P2RY12: variants seen among roughly 807,000 people sequenced by gnomAD.
P2RY12 encodes the protein P2Y purinoceptor 12.
Under a neutral mutation model 4.5 loss-of-function variants are expected in P2RY12, and 3 were observed. That is an observed-to-expected ratio of 0.67 (90% CI 0.31 to 1.74). P2RY12 has a LOEUF of 1.74. Ranked by LOEUF, P2RY12 falls within the 40% of genes most tolerant of loss-of-function variation. The pLI, the probability that P2RY12 is intolerant of heterozygous loss-of-function variation, is 0.09. For synonymous variants in P2RY12, 148 were observed against 154.1 expected, an observed-to-expected ratio of 0.96 and a Z score of 0.29; for missense variants, 356 against 407.8, an observed-to-expected ratio of 0.87 and a Z score of 1.09.
intron 1 of P2RY12, among the ~76,000 whole-genome samples, chr3:151,348,573 C>CT (rs542135245): frequency 0.05 from 6,641 of 132,354 alleles, 285 homozygotes; most frequent in African/African-American, 0.12. Context: ...CTCCTAGCTT[C>CT]TTTTTTTTTT....
intron 1 of P2RY12, among the ~76,000 whole-genome samples, chr3:151,364,015 G>A (rs1270240767): frequency 1.3e-5 from 2 of 151,994 alleles, no homozygotes; most frequent in Non-Finnish European, 2.9e-5. Flanking sequence ...TAAAAAAAAA[G>A]CCATAGGTCA....
chr3:151,376,245 T>G, intron 1 of P2RY12: 1 of 1,350,426 alleles, frequency 7.4e-7, no homozygotes, highest in Non-Finnish European at 9.6e-7. Context: ...GTTTCTGTCA[T>G]TTGATAAATT....
chr3:151,339,448 G>T (rs528490692), intron 2 of P2RY12, among the ~76,000 whole-genome samples: 2 of 146,278 alleles, frequency 1.4e-5, no homozygotes, highest in South Asian at 2.2e-4. Context: ...AAAAAAAGCT[G>T]ACCTTTTTTC....
chr3:151,361,671 A>T (rs1426851303), intron 1 of P2RY12, among the ~76,000 whole-genome samples: 4 of 152,150 alleles, frequency 2.6e-5, no homozygotes, highest in Non-Finnish European at 1.5e-5. Flanking sequence ...TTTTGGCTGT[A>T]GCTATAACCT....
intron 1 of P2RY12, among the ~76,000 whole-genome samples, chr3:151,348,836 C>A (rs190394054): frequency 1.0e-3 from 157 of 152,254 alleles, no homozygotes; most frequent in Non-Finnish European, 1.4e-3. Flanking sequence ...CTACTTTGTG[C>A]AGAGTACACA....
chr3:151,352,134 A>G (rs774065740), intron 1 of P2RY12, among the ~76,000 whole-genome samples: 21 of 152,190 alleles, frequency 1.4e-4, no homozygotes, highest in Non-Finnish European at 3.1e-4. Flanking sequence ...TTATATACAT[A>G]CCCTGAAGGT....
intron 1 of P2RY12, among the ~76,000 whole-genome samples, chr3:151,364,053 A>C (rs139140244): frequency 3.9e-5 from 6 of 152,192 alleles, no homozygotes; most frequent in Non-Finnish European, 8.8e-5. Flanking sequence ...TTTTGCTGCC[A>C]AAAACTTAAT....
chr3:151,381,436 G>A (rs149084472), intron 1 of P2RY12, among the ~76,000 whole-genome samples: 363 of 152,244 alleles, frequency 2.4e-3, no homozygotes, highest in African/African-American at 8.5e-3. Context: ...CTCCTACCTT[G>A]TCTCCTACCA....
chr3:151,382,956 A>G (rs1712657355), intron 1 of P2RY12, among the ~76,000 whole-genome samples: 1 of 152,132 alleles, frequency 6.6e-6, no homozygotes, highest in Non-Finnish European at 1.5e-5. Flanking sequence ...AGTGCTAGGT[A>G]TTTTAAGCAT....
At chr3:151,358,619 CATTT>C (rs1320123377) in intron 1 of P2RY12, among the ~76,000 whole-genome samples, 2 of 152,112 alleles carry the variant, frequency 1.3e-5, no homozygotes, top group East Asian at 3.9e-4. Context: ...ATTTCAGTAT[CATTT>C]AGTTTGGCCT....
At chr3:151,342,236 C>T (rs564067797) in intron 1 of P2RY12, among the ~76,000 whole-genome samples, 12 of 152,304 alleles carry the variant, frequency 7.9e-5, no homozygotes, top group Admixed American at 6.5e-4. Flanking sequence ...CTCTCCAACA[C>T]CTGTGCTGCT....
intron 1 of P2RY12, among the ~76,000 whole-genome samples, chr3:151,372,941 T>C (rs1187906292): frequency 6.6e-6 from 1 of 152,222 alleles, no homozygotes; most frequent in Non-Finnish European, 1.5e-5. Flanking sequence ...AAAACTCATG[T>C]CCATCCTTTA....
chr3:151,347,771 G>A (rs1045557084), intron 1 of P2RY12, among the ~76,000 whole-genome samples: 1 of 152,112 alleles, frequency 6.6e-6, no homozygotes, highest in East Asian at 1.9e-4. Context: ...CATTTTACAC[G>A]CTTTATCCCA....
chr3:151,380,191 C>G (rs1210921859), intron 1 of P2RY12: 2 of 1,609,458 alleles, frequency 1.2e-6, no homozygotes, highest in Non-Finnish European at 1.7e-6. Context: ...AAAGGGAAGG[C>G]CTCCTAACAT....
chr3:151,346,053 C>T (rs1752496944), intron 1 of P2RY12, among the ~76,000 whole-genome samples: 1 of 152,108 alleles, frequency 6.6e-6, no homozygotes, highest in Non-Finnish European at 1.5e-5. Context: ...CAGTTTTATC[C>T]CTGCATTCTC....
chr3:151,366,779 A>G (rs920466274), intron 1 of P2RY12, among the ~76,000 whole-genome samples: 1 of 152,202 alleles, frequency 6.6e-6, no homozygotes, highest in South Asian at 2.1e-4. Flanking sequence ...GAATTTATGT[A>G]TATAAAATTC....
At chr3:151,351,562 GT>G (rs546696755) in intron 1 of P2RY12, among the ~76,000 whole-genome samples, 1 of 152,148 alleles carries the variant, frequency 6.6e-6, no homozygotes. Context: ...TTGTTTTGGT[GT>G]TTTCTCTGTC....
At chr3:151,368,662 T>TTCATGTCATTTCATTTCATTTCATG (rs796882035) in intron 1 of P2RY12, among the ~76,000 whole-genome samples, 4 of 52,414 alleles carry the variant, frequency 7.6e-5, no homozygotes, top group Admixed American at 1.9e-4. Context: ...TTCATTTCAT[T>TTCATGTCATTTCATTTCATTTCATG]TCATTTCATT....
chr3:151,374,609 C>CCT (rs1276802605), intron 1 of P2RY12, among the ~76,000 whole-genome samples: 1 of 152,138 alleles, frequency 6.6e-6, no homozygotes, highest in Non-Finnish European at 1.5e-5. Flanking sequence ...AACAAACCTA[C>CCT]CTAAAAGGCT....
Sources: allele counts gnomAD v4.1 joint callset (sites outside exome capture counted in the v4.1 genomes callset), GRCh38; gene constraint gnomAD v4.1.1; transcripts MANE v1.5; gene names NCBI Gene and HGNC (gene_info 2026-07-23, HGNC 2026-07-21).